Variants in SORCS3 observed in about 807,000 individuals in gnomAD.
SORCS3 encodes VPS10 domain-containing receptor SorCS3.
Under a neutral mutation model 146.3 loss-of-function variants are expected in SORCS3, and 57 were observed. The observed-to-expected ratio is 0.39, with a 90% CI of 0.31 to 0.49. The LOEUF (loss-of-function observed/expected upper bound fraction) is 0.49, where lower values mean the gene tolerates loss of function less well. SORCS3 is among the 20% of genes least tolerant of loss of function. SORCS3 has a pLI of 0.92. For synonymous variants in SORCS3, 653 were observed against 618.5 expected (o/e 1.06, Z -0.83); for missense variants, 1,341 against 1,575.5 (o/e 0.85, Z 2.52).
intron 4 of SORCS3, among the ~76,000 whole-genome samples, chr10:105,014,074 T>TATATATATAC (rs547043645): frequency 0.091 from 9,047 of 99,704 alleles, 845 homozygotes; most frequent in African/African-American, 0.28. Context: ...TATACATATA[T>TATATATATAC]ATATATATAC....
chr10:104,747,727 A>G (rs970039326), intron 1 of SORCS3, among the ~76,000 whole-genome samples: 8 of 152,216 alleles, frequency 5.3e-5, no homozygotes, highest in Non-Finnish European at 1.0e-4. Flanking sequence ...CATTCTCAGC[A>G]CCTAGCACAG....
intron 4 of SORCS3, among the ~76,000 whole-genome samples, chr10:105,041,107 TG>T (rs555053410): frequency 1.1e-3 from 161 of 147,698 alleles, no homozygotes; most frequent in African/African-American, 3.9e-3. Flanking sequence ...ATATATAAAA[TG>T]GGTTCAAGAT....
chr10:105,130,749 A>G lies in SORCS3; in HGVS notation c.1213-8648A>G, dbSNP rs972611788. 1.2e-4 allele frequency among the ~76,000 whole-genome samples: 19 copies of G among 152,164 alleles called. 1 individual carries two copies. The highest frequency in any genetic ancestry group is 4.6e-4 in the African/African-American group (19 of 41,444). ...CTCAGCCATAGTATGATGTTGGGTA[A>G]TAGACCCAGTCTTTCTAGGCAGATA... On this transcript the variant is annotated intron_variant, in intron 7 of 26. Coordinates refer to ENST00000369701, the MANE Select transcript of SORCS3 (RefSeq NM_014978.3).
chr10:104,962,604 G>A (rs1034406586), intron 3 of SORCS3, among the ~76,000 whole-genome samples: 2 of 152,250 alleles, frequency 1.3e-5, no homozygotes, highest in Non-Finnish European at 2.9e-5. Flanking sequence ...CCTGCACCAC[G>A]AGTTGTGCTC....
At chr10:105,106,306 A>G (rs2055821514) in intron 7 of SORCS3, among the ~76,000 whole-genome samples, 1 of 152,210 alleles carries the variant, frequency 6.6e-6, no homozygotes, top group Non-Finnish European at 1.5e-5. Context: ...GTTGGCTCAG[A>G]CCTAAGCACC....
At chr10:104,975,353 G>C (rs910448084) in intron 3 of SORCS3, among the ~76,000 whole-genome samples, 3 of 151,928 alleles carry the variant, frequency 2.0e-5, no homozygotes, top group African/African-American at 7.3e-5. Flanking sequence ...CAACTTACAA[G>C]GGATGTGAAG....
intron 1 of SORCS3, among the ~76,000 whole-genome samples, chr10:104,842,283 CA>C (rs1286874408): frequency 1.3e-5 from 2 of 152,208 alleles, no homozygotes; most frequent in African/African-American, 4.8e-5. Context: ...TGTCTGCATT[CA>C]GGTATTTATG....
At chr10:105,091,930 C>G (rs762728481) in intron 6 of SORCS3, among the ~76,000 whole-genome samples, 1 of 152,090 alleles carries the variant, frequency 6.6e-6, no homozygotes, top group African/African-American at 2.4e-5. Flanking sequence ...CCTGTTTAGG[C>G]CATATTTGTG....
intron 14 of SORCS3, among the ~76,000 whole-genome samples, chr10:105,178,691 A>G (rs2056423913): frequency 1.3e-5 from 2 of 152,194 alleles, no homozygotes; most frequent in African/African-American, 4.8e-5. Flanking sequence ...ATACTCTTTT[A>G]TAATGAGATT....
intron 4 of SORCS3, among the ~76,000 whole-genome samples, chr10:104,982,035 G>C (rs1278021995): frequency 6.6e-6 from 1 of 152,148 alleles, no homozygotes; most frequent in Non-Finnish European, 1.5e-5. Context: ...AAGGGTTGCT[G>C]TTATAGTATT....
rs181237826 is a variant in SORCS3 at position 104,821,367 on chromosome 10, C to T, written c.628-21425C>T. Among the ~76,000 whole-genome samples, 286 of 152,180 alleles carry T rather than the reference C, an allele frequency of 1.9e-3. 1 individual carries two copies. The highest frequency in any genetic ancestry group is 6.8e-3 in the African/African-American group (281 of 41,510). On this transcript the variant is annotated intron_variant, in intron 1 of 26. Transcript: ENST00000369701. Reference sequence around the variant, plus strand: ...CTCCCTGCTGGGGACAGGGCTTGAGCTGATGCTTAAAGAGTGGATAGCTGG... The same window carrying T: ...CTCCCTGCTGGGGACAGGGCTTGAGTTGATGCTTAAAGAGTGGATAGCTGG...
At chr10:104,867,348 C>G (rs767674660) in intron 2 of SORCS3, among the ~76,000 whole-genome samples, 1 of 149,164 alleles carries the variant, frequency 6.7e-6, no homozygotes, top group Admixed American at 6.7e-5. Flanking sequence ...CTCGCTCTGT[C>G]GCCCAGGCTG....
At chr10:104,957,717 C>A (rs898612753) in intron 3 of SORCS3, among the ~76,000 whole-genome samples, 2 of 152,116 alleles carry the variant, frequency 1.3e-5, no homozygotes, top group Admixed American at 6.6e-5. Context: ...ATGTAGTTAT[C>A]TGGAAGACCC....
At chr10:104,795,673 C>G (rs1250480242) in intron 1 of SORCS3, among the ~76,000 whole-genome samples, 1 of 152,210 alleles carries the variant, frequency 6.6e-6, no homozygotes, top group African/African-American at 2.4e-5. Context: ...TCACATGCCC[C>G]CTAAGGGGCA....
intron 1 of SORCS3, among the ~76,000 whole-genome samples, chr10:104,779,382 G>A (rs911192292): frequency 1.3e-5 from 2 of 152,204 alleles, no homozygotes; most frequent in East Asian, 3.8e-4. Flanking sequence ...AGTGACACAA[G>A]GAAGTTGGAC....
intron 1 of SORCS3, among the ~76,000 whole-genome samples, chr10:104,752,029 A>G (rs2016994325): frequency 7.1e-6 from 1 of 141,448 alleles, no homozygotes; most frequent in African/African-American, 2.5e-5. Flanking sequence ...TCTGTTAAGC[A>G]CAGTCTTAAA....
At chr10:104,831,888 C>T (rs1486869472) in intron 1 of SORCS3, among the ~76,000 whole-genome samples, 1 of 152,184 alleles carries the variant, frequency 6.6e-6, no homozygotes, top group Non-Finnish European at 1.5e-5. Context: ...CCTGCATTCT[C>T]ACTCATCTCT....
chr10:105,053,765 G>A (rs1300836134), intron 5 of SORCS3, among the ~76,000 whole-genome samples: 1 of 151,848 alleles, frequency 6.6e-6, no homozygotes, highest in African/African-American at 2.4e-5. Context: ...TATAATAAAT[G>A]TAATCATTCT....
intron 1 of SORCS3, among the ~76,000 whole-genome samples, chr10:104,783,286 T>G (rs2017395545): frequency 6.6e-6 from 1 of 152,226 alleles, no homozygotes; most frequent in Non-Finnish European, 1.5e-5. Flanking sequence ...TTTCCTGTTC[T>G]CAATAGACTA....
Sources: gnomAD v4.1 joint callset for allele counts (sites outside exome capture counted in the v4.1 genomes callset) on GRCh38, gnomAD v4.1.1 for gene constraint, MANE v1.5 for transcripts, NCBI Gene and HGNC (gene_info 2026-07-23, HGNC 2026-07-21) for gene names.